DHRS7C: variants seen among roughly 807,000 people sequenced by gnomAD.
The protein encoded by DHRS7C is dehydrogenase/reductase 7C, also known as dehydrogenase/reductase SDR family member 7C.
DHRS7C carries 28 observed loss-of-function variants against 29.6 expected under a neutral mutation model. The observed-to-expected ratio is 0.95, with a 90% CI of 0.70 to 1.30. The LOEUF (loss-of-function observed/expected upper bound fraction) is 1.30. DHRS7C is among the 50% of genes most tolerant of loss of function. The probability of loss-of-function intolerance (pLI) is 0.00; values close to 1 mark genes in which losing one functional copy is unlikely to be tolerated. For missense variants in DHRS7C, 403 were observed against 393.3 expected (o/e 1.02, Z -0.21); for synonymous variants, 158 against 160.2 (o/e 0.99, Z 0.10).
rs1597923786 is a variant in DHRS7C at position 9,775,505 on chromosome 17, C to T, written c.571+1688G>A. 6.6e-6 allele frequency among the ~76,000 whole-genome samples: 1 copy of T among 152,142 alleles called. No homozygotes were observed. Among genetic ancestry groups the T allele is most frequent in the African/African-American group, 2.4e-5 (1 of 41,426 alleles). Reference sequence around the variant, plus strand: ...CTCCACAGTCTCTTTCCTCTTCTTGCCAGCAGGGACCCAGTGGTGACCACA... The same window carrying T: ...CTCCACAGTCTCTTTCCTCTTCTTGTCAGCAGGGACCCAGTGGTGACCACA... On this transcript the variant is annotated intron_variant, in intron 4 of 5. Coordinates refer to ENST00000571134, the MANE Select transcript of DHRS7C (RefSeq NM_001105571.3). This position sits in a 1 kb window ranked among gnomAD's most constrained non-coding sequence, Gnocchi z 4.2.
intron 1 of DHRS7C, among the ~76,000 whole-genome samples, chr17:9,787,414 A>G (rs540238477): frequency 6.6e-6 from 1 of 152,262 alleles, no homozygotes; most frequent in Non-Finnish European, 1.5e-5. Flanking sequence ...TGTGCCTGGG[A>G]GGCTGGAGCC....
intron 4 of DHRS7C, 134 bp from the exon 5 acceptor site, chr17:9,773,056 C>T (rs2066341078): frequency 8.9e-7 from 1 of 1,122,068 alleles, no homozygotes; most frequent in Non-Finnish European, 1.2e-6. Context: ...AAGAATCTGC[C>T]CCTCACTTTA....
At chr17:9,789,662 AG>A (rs1204245951) in intron 1 of DHRS7C, among the ~76,000 whole-genome samples, 1 of 152,230 alleles carries the variant, frequency 6.6e-6, no homozygotes, top group Non-Finnish European at 1.5e-5. Flanking sequence ...GACAGGCTCC[AG>A]GGTAGAGGCC....
rs144078983 is a variant in DHRS7C, at chr17:9,781,740, C to A, written c.155-146G>T. The A allele has an allele frequency of 5.4e-4, 374 of 692,586 alleles. 1 individual carries two copies. Among genetic ancestry groups the A allele is most frequent in the African/African-American group, 5.2e-3 (289 of 55,778 alleles). 42.9% of individuals were successfully genotyped at this position (692,586 alleles called of 1,614,324 possible). ...TTTAGGGGTCACTTCATTGAACTCC[C>A]TCCCCGGGCTGGAATTTTTGTCATT... is the stretch of plus-strand genomic sequence containing the variant. On this transcript the variant is annotated intron_variant, in intron 1 of 5. Coordinates refer to ENST00000571134, the MANE Select transcript of DHRS7C (RefSeq NM_001105571.3).
intron 1 of DHRS7C, among the ~76,000 whole-genome samples, chr17:9,787,032 G>A (rs1406574411): frequency 6.6e-6 from 1 of 151,788 alleles, no homozygotes; most frequent in Non-Finnish European, 1.5e-5. Flanking sequence ...TGCAATCTCT[G>A]CCTCCCAGGT....
intron 2 of DHRS7C, 115 bp from the exon 3 acceptor site, chr17:9,780,150 TG>T (rs2066385875): frequency 5.0e-6 from 4 of 798,374 alleles, no homozygotes; most frequent in Non-Finnish European, 3.7e-6. Flanking sequence ...ATGAAATGAC[TG>T]AAAAAAAAAA....
chr17:9,776,272 G>A (rs761733489), intron 4 of DHRS7C, among the ~76,000 whole-genome samples: 8 of 152,290 alleles, frequency 5.3e-5, no homozygotes, highest in Non-Finnish European at 1.2e-4. Flanking sequence ...CGTGCACAGA[G>A]GAAAGACTGT....
chr17:9,772,949 G>A, intron 4 of DHRS7C, 27 bp from the exon 5 acceptor site: 1 of 1,611,100 alleles, frequency 6.2e-7, no homozygotes, highest in Non-Finnish European at 8.5e-7. Context: ...CCGGAGGTGG[G>A]CGCAGGACAC....
chr17:9,788,361 C>G (rs1380920331), intron 1 of DHRS7C, among the ~76,000 whole-genome samples: 1 of 152,154 alleles, frequency 6.6e-6, no homozygotes, highest in South Asian at 2.1e-4. Context: ...CAAGAGCCCC[C>G]ACCCCCAGCT....
At chr17:9,785,234 C>T (rs1251932125) in intron 1 of DHRS7C, 4 of 152,222 alleles carry the variant, frequency 2.6e-5, no homozygotes, top group Non-Finnish European at 5.9e-5. Context: ...GGAGGATCGC[C>T]TGGAAAGAAT....
At chr17:9,772,068 T>TTA (rs1289434893) in intron 5 of DHRS7C, among the ~76,000 whole-genome samples, 5 of 152,128 alleles carry the variant, frequency 3.3e-5, no homozygotes, top group African/African-American at 1.2e-4. Context: ...ACCCCTGGTC[T>TTA]GCCCCCCATC....
chr17:9,778,957 T>C (rs2066378181), intron 3 of DHRS7C, among the ~76,000 whole-genome samples: 1 of 152,188 alleles, frequency 6.6e-6, no homozygotes, highest in Non-Finnish European at 1.5e-5. Flanking sequence ...TGTCTAAAGA[T>C]GGAGTGCAAT....
Position 9,779,997 on chromosome 17 carries a change from G to A in DHRS7C, c.306C>T (p.Asp102=). ...TPKLVLLDLS[D]ISCVPDVAKE... ...TTGCCACATCTGGGACACAGCTGAT[G>A]TCTGAGAGGTCCAACAGGACCAGCT... The change falls in exon 3 of 6, where the codon GAC becomes GAT. Residue 102 remains aspartate (D), a synonymous_variant. Coordinates refer to ENST00000571134, the MANE Select transcript of DHRS7C (RefSeq NM_001105571.3). The A allele has an allele frequency of 6.2e-7, 1 of 1,613,934 alleles. No individual in the cohort carries two copies. Among genetic ancestry groups the A allele is most frequent in the Non-Finnish European group, 8.5e-7 (1 of 1,179,880 alleles).
At chr17:9,791,059 GCCCTGCCA>G (rs1555564394) in intron 1 of DHRS7C, 64 bp downstream of exon 1, 5 of 1,522,404 alleles carry the variant, frequency 3.3e-6, no homozygotes, top group Non-Finnish European at 2.7e-6. Context: ...GCGCCCTGCC[GCCCTGCCA>G]CCCTGCCATC....
intron 1 of DHRS7C, among the ~76,000 whole-genome samples, chr17:9,789,056 A>G (rs1408523292): frequency 6.6e-6 from 1 of 152,188 alleles, no homozygotes; most frequent in East Asian, 1.9e-4. Context: ...GAGGTGTTTT[A>G]AAAATGAATG....
intron 1 of DHRS7C, among the ~76,000 whole-genome samples, chr17:9,786,841 C>A (rs1194954604): frequency 1.3e-5 from 2 of 152,126 alleles, no homozygotes; most frequent in Admixed American, 1.3e-4. Flanking sequence ...TGGGGAGTAA[C>A]GCATTCTCCA....
chr17:9,772,695 C>T (rs72822108), intron 5 of DHRS7C, 72 bp downstream of exon 5: 131,467 of 1,546,116 alleles, frequency 0.085, 6,195 homozygotes, highest in Non-Finnish European at 0.096. Flanking sequence ...ATCTGAAGGT[C>T]ATTCATCCCC....
chr17:9,773,462 GT>G (rs1199627791), intron 4 of DHRS7C, among the ~76,000 whole-genome samples: 1 of 152,036 alleles, frequency 6.6e-6, no homozygotes, highest in African/African-American at 2.4e-5. Context: ...GAAGCCATGG[GT>G]TGGGGAAAAA....
Position 9,774,765 on chromosome 17 carries a change from G to C in DHRS7C, c.572-1843C>G, listed in dbSNP as rs561735672. The stretch of plus-strand genomic sequence containing the variant: ...CTCAGGGACACTGAATTCCTTTTGG[G>C]TGGTCAAAAGAAACCTCTGAGTCGG... On this transcript the variant is annotated intron_variant, in intron 4 of 5. Coordinates refer to ENST00000571134, the MANE Select transcript of DHRS7C (RefSeq NM_001105571.3). This position sits in a 1 kb window ranked among gnomAD's most constrained non-coding sequence, Gnocchi z 5.0. Among the ~76,000 whole-genome samples, 1 of 152,296 alleles carries C rather than the reference G, an allele frequency of 6.6e-6. No homozygotes were observed. Among genetic ancestry groups the C allele is most frequent in the East Asian group, 1.9e-4 (1 of 5,182 alleles).
Sources: allele counts gnomAD v4.1 joint callset (sites outside exome capture counted in the v4.1 genomes callset), GRCh38; gene constraint gnomAD v4.1.1; non-coding constraint Gnocchi (gnomAD v3.1); transcripts MANE v1.5; gene names NCBI Gene and HGNC (gene_info 2026-07-23, HGNC 2026-07-21).